SEMA3A: variants seen among roughly 807,000 people sequenced by gnomAD.
The protein encoded by SEMA3A is semaphorin 3A.
Under a neutral mutation model 97.9 loss-of-function variants are expected in SEMA3A, and 29 were observed. That is an observed-to-expected ratio of 0.30 (90% confidence interval 0.22 to 0.40). SEMA3A has a LOEUF of 0.40. Among genes scored for constraint, SEMA3A ranks in the 10% least tolerant of loss-of-function variants. SEMA3A has a pLI of 1.00. For missense variants in SEMA3A, 763 were observed against 951.3 expected (o/e 0.80, Z 2.60); for synonymous variants, 321 against 323.7 (o/e 0.99, Z 0.09).
At chr7:84,479,714 C>T (rs1357753045) in intron 1 of SEMA3A, among the ~76,000 whole-genome samples, 1 of 152,046 alleles carries the variant, frequency 6.6e-6, no homozygotes, top group Admixed American at 6.6e-5. Context: ...AAAAAAAATA[C>T]AATCCCAAAT....
At chr7:84,204,775 G>T (rs1798446684) in intron 3 of SEMA3A, among the ~76,000 whole-genome samples, 1 of 152,158 alleles carries the variant, frequency 6.6e-6, no homozygotes, top group African/African-American at 2.4e-5. Context: ...ATTGGAGAGG[G>T]CAGTAGTAAG....
At chr7:84,353,494 C>T (rs979440358) in intron 2 of SEMA3A, among the ~76,000 whole-genome samples, 1 of 151,610 alleles carries the variant, frequency 6.6e-6, no homozygotes, top group Non-Finnish European at 1.5e-5. Context: ...AGGGACTCTG[C>T]TCTATGAAAT....
At chr7:84,448,460 A>G (rs1805480930) in intron 1 of SEMA3A, among the ~76,000 whole-genome samples, 1 of 152,210 alleles carries the variant, frequency 6.6e-6, no homozygotes, top group South Asian at 2.1e-4. Flanking sequence ...CAGGATACAA[A>G]GACAACACTT....
At chr7:84,234,945 G>C (rs1047304754) in intron 3 of SEMA3A, among the ~76,000 whole-genome samples, 1 of 152,060 alleles carries the variant, frequency 6.6e-6, no homozygotes, top group Admixed American at 6.6e-5. Flanking sequence ...ACTAATATCA[G>C]TTAATATCCC....
intron 6 of SEMA3A, among the ~76,000 whole-genome samples, chr7:84,029,929 T>A (rs1358938272): frequency 6.6e-6 from 1 of 152,040 alleles, no homozygotes; most frequent in Non-Finnish European, 1.5e-5. Flanking sequence ...TCTATAAAAT[T>A]GAAAAGATTT....
At chr7:84,399,750 G>T (rs1393898483) in intron 1 of SEMA3A, among the ~76,000 whole-genome samples, 2 of 152,282 alleles carry the variant, frequency 1.3e-5, no homozygotes, top group Non-Finnish European at 2.9e-5. Context: ...AATGGCCTCT[G>T]GCCTTGAATA....
chr7:84,062,779 A>G (rs1005401678), intron 4 of SEMA3A, among the ~76,000 whole-genome samples: 2 of 152,202 alleles, frequency 1.3e-5, no homozygotes, highest in African/African-American at 4.8e-5. Flanking sequence ...ACACCCACGG[A>G]GTCTCGCTGA....
chr7:84,228,841 T>C (rs1799051093), intron 3 of SEMA3A, among the ~76,000 whole-genome samples: 1 of 152,120 alleles, frequency 6.6e-6, no homozygotes, highest in Non-Finnish European at 1.5e-5. Flanking sequence ...TTAAGTCCTA[T>C]GGTTGATCAT....
chr7:84,225,351 G>C (rs971541910), intron 3 of SEMA3A, among the ~76,000 whole-genome samples: 1 of 152,004 alleles, frequency 6.6e-6, no homozygotes, highest in Non-Finnish European at 1.5e-5. Context: ...GTTTCTTATG[G>C]GGAAAAGATG....
At chr7:84,364,547 T>C (rs936811558) in intron 2 of SEMA3A, among the ~76,000 whole-genome samples, 1 of 151,782 alleles carries the variant, frequency 6.6e-6, no homozygotes, top group Admixed American at 6.6e-5. Context: ...TATTGTTATA[T>C]TGCACAATAA....
At chr7:84,209,110 T>C (rs910308085) in intron 3 of SEMA3A, among the ~76,000 whole-genome samples, 6 of 152,258 alleles carry the variant, frequency 3.9e-5, no homozygotes, top group African/African-American at 1.4e-4. Context: ...GAAACATCAC[T>C]TTTCATACTT....
rs35808952 is a variant in SEMA3A at position 84,121,638 on chromosome 7, C to CTTT, written c.333+7482_333+7484dup. On this transcript the variant is annotated intron_variant, in intron 3 of 16. Transcript: ENST00000265362. Reference sequence around the variant, plus strand: ...ATGGATATTTGGGTTGGTTCCAAGTCTTTTTTTTTTTTTTTTTTGAGACGG... The same window carrying CTTT: ...ATGGATATTTGGGTTGGTTCCAAGTCTTTTTTTTTTTTTTTTTTTTTGAGACGG... 4.7e-4 allele frequency among the ~76,000 whole-genome samples: 6 copies of CTTT among 12,858 alleles called. 2 individuals carry two copies. In the Admixed American group the frequency reaches 5.1e-3, roughly 11 times the overall value. The allele number at this position is 12,858 out of a possible 152,430, so 8.4% of individuals were successfully genotyped here.
chr7:83,989,318 AATT>A (rs939568991), intron 12 of SEMA3A, among the ~76,000 whole-genome samples: 1 of 152,086 alleles, frequency 6.6e-6, no homozygotes, highest in African/African-American at 2.4e-5. Context: ...GGTAGATAAA[AATT>A]ATTATTTTTT....
At chr7:84,039,103 A>G (rs1366068446) in intron 6 of SEMA3A, among the ~76,000 whole-genome samples, 1 of 152,152 alleles carries the variant, frequency 6.6e-6, no homozygotes, top group Non-Finnish European at 1.5e-5. Flanking sequence ...CTTTGCATAG[A>G]GGTGTATATA....
At chr7:83,969,870 A>C (rs1333867835) in intron 15 of SEMA3A, among the ~76,000 whole-genome samples, 1 of 152,210 alleles carries the variant, frequency 6.6e-6, no homozygotes, top group African/African-American at 2.4e-5. Context: ...TCACATCTCC[A>C]AGGATACCTA....
intron 6 of SEMA3A, among the ~76,000 whole-genome samples, chr7:84,034,838 A>G (rs1186434829): frequency 6.6e-6 from 1 of 151,934 alleles, no homozygotes; most frequent in Non-Finnish European, 1.5e-5. Context: ...TTGCGTAGGT[A>G]CCTCATCAAG....
chr7:84,436,822 A>T (rs919389296), intron 1 of SEMA3A, among the ~76,000 whole-genome samples: 1 of 152,146 alleles, frequency 6.6e-6, no homozygotes. Flanking sequence ...ATTTATAGAG[A>T]CTAGATTTAA....
At chr7:84,106,079 C>T (rs1795101101) in intron 4 of SEMA3A, among the ~76,000 whole-genome samples, 1 of 152,132 alleles carries the variant, frequency 6.6e-6, no homozygotes. Flanking sequence ...CAATCAATGA[C>T]ATACTGTGTG....
intron 1 of SEMA3A, among the ~76,000 whole-genome samples, chr7:84,396,742 T>C (rs1402728597): frequency 6.6e-6 from 1 of 152,004 alleles, no homozygotes; most frequent in Non-Finnish European, 1.5e-5. Context: ...TATAAGTAGA[T>C]AAGAAAAATA....
Sources: gnomAD v4.1 joint callset for allele counts (sites outside exome capture counted in the v4.1 genomes callset) on GRCh38, gnomAD v4.1.1 for gene constraint, MANE v1.5 for transcripts, NCBI Gene and HGNC (gene_info 2026-07-23, HGNC 2026-07-21) for gene names.